DMD: variants seen among roughly 807,000 people sequenced by gnomAD.
DMD encodes dystrophin, also known as mutant dystrophin.
A neutral mutation model predicts 330.1 loss-of-function variants in DMD; 63 were observed. That is an observed-to-expected ratio of 0.19 (90% CI 0.16 to 0.24). The LOEUF (loss-of-function observed/expected upper bound fraction) is 0.24, where lower values mean the gene tolerates loss of function less well. Among genes scored for constraint, DMD ranks in the 10% least tolerant of loss-of-function variants. The probability of loss-of-function intolerance (pLI) is 1.00; values close to 1 mark genes in which losing one functional copy is unlikely to be tolerated. For missense variants in DMD, 3,344 were observed against 2,684.1 expected (o/e 1.25, Z -5.43); for synonymous variants, 1,223 against 959.8 (o/e 1.27, Z -5.07).
At chrX:32,214,224 TAAAAAAAAAAA>T (rs200083093) in intron 44 of DMD, among the ~76,000 whole-genome samples, 1 of 89,003 alleles carries the variant, frequency 1.1e-5, no homozygotes, top group East Asian at 3.5e-4. Flanking sequence ...CTGAAACACT[TAAAAAAAAAAA>T]AAAAAAAAAA....
At chrX:32,465,590 T>TG (rs1569563844) in intron 23 of DMD, among the ~76,000 whole-genome samples, 10 of 96,149 alleles carry the variant, frequency 1.0e-4, no homozygotes, top group African/African-American at 3.8e-4. Context: ...TTGTTTTTTT[T>TG]TTTTTTTTTT....
chrX:31,608,361 A>G (rs960010136), intron 55 of DMD, among the ~76,000 whole-genome samples: 2 of 111,936 alleles, frequency 1.8e-5, no homozygotes, highest in African/African-American at 3.2e-5. Flanking sequence ...CAAAAAAATG[A>G]GCAGAAATAA....
intron 44 of DMD, among the ~76,000 whole-genome samples, chrX:31,969,073 A>T (rs6631445): frequency 0.29 from 32,460 of 110,677 alleles, 5,188 homozygotes; most frequent in African/African-American, 0.62. Flanking sequence ...AGAAGCCACA[A>T]AAAACTGAGA....
At chrX:32,347,117 G>T (rs1569559153) in intron 38 of DMD, among the ~76,000 whole-genome samples, 1 of 111,644 alleles carries the variant, frequency 9.0e-6, no homozygotes, top group East Asian at 2.8e-4. Flanking sequence ...GGGGGAAAGG[G>T]ATTATTTTTG....
intron 1 of DMD, among the ~76,000 whole-genome samples, chrX:33,034,641 C>G (rs1374367441): frequency 8.9e-6 from 1 of 112,168 alleles, no homozygotes; most frequent in East Asian, 2.8e-4. Context: ...AGTTCTAAAA[C>G]TCTATCATCT....
At chrX:32,518,416 T>C (rs1016121554) in intron 17 of DMD, among the ~76,000 whole-genome samples, 1 of 109,901 alleles carries the variant, frequency 9.1e-6, no homozygotes, top group African/African-American at 3.3e-5. Context: ...TGCTTGAATG[T>C]TTCCACTATT....
At chrX:32,349,636 T>A (rs1010203304) in intron 37 of DMD, among the ~76,000 whole-genome samples, 1 of 111,380 alleles carries the variant, frequency 9.0e-6, no homozygotes, top group Non-Finnish European at 1.9e-5. Context: ...GAAGAAAAAC[T>A]AAATATCTAA....
chrX:32,947,950 C>A lies in DMD; in HGVS notation c.93+72189G>T, dbSNP rs182952237. 3.3e-4 allele frequency among the ~76,000 whole-genome samples: 37 copies of A among 111,446 alleles called. 1 individual carries two copies. The East Asian group carries it at 9.4e-3, about 28-fold the overall frequency. On this transcript the variant is annotated intron_variant, in intron 2 of 78. Coordinates refer to ENST00000357033, the MANE Select transcript of DMD (RefSeq NM_004006.3). ...GCAATGTGCAGTGCAATTTATTTCCCTAAACTTATCTGTTATAAAACTGAA... is the reference window on the plus strand; with the variant it reads ...GCAATGTGCAGTGCAATTTATTTCCATAAACTTATCTGTTATAAAACTGAA...
intron 54 of DMD, among the ~76,000 whole-genome samples, chrX:31,652,816 A>G (rs1266212206): frequency 9.0e-6 from 1 of 111,182 alleles, no homozygotes; most frequent in Non-Finnish European, 1.9e-5. Context: ...GGGTCAAAGT[A>G]CAACTAGTAG....
intron 2 of DMD, among the ~76,000 whole-genome samples, chrX:32,889,179 C>T (rs1044185726): frequency 1.8e-5 from 2 of 110,915 alleles, no homozygotes; most frequent in Admixed American, 1.9e-4. Flanking sequence ...AGGCAAGAAT[C>T]GTGAGCATGT....
intron 44 of DMD, among the ~76,000 whole-genome samples, chrX:32,033,595 C>A (rs2077896): frequency 0.21 from 7,043 of 33,333 alleles, 390 homozygotes; most frequent in African/African-American, 0.31. Flanking sequence ...ACAAGACAGA[C>A]AGACAGACAG....
chrX:31,184,991 C>T (rs2041616699), intron 67 of DMD, among the ~76,000 whole-genome samples: 1 of 94,510 alleles, frequency 1.1e-5, no homozygotes, highest in African/African-American at 4.0e-5. Context: ...GGAGGGATAG[C>T]ATTAGGAGAT....
intron 2 of DMD, among the ~76,000 whole-genome samples, chrX:33,000,155 T>C (rs926765869): frequency 8.9e-6 from 1 of 111,846 alleles, no homozygotes; most frequent in African/African-American, 3.3e-5. Flanking sequence ...GGAGTTTTAG[T>C]ATAGGGGTGT....
intron 1 of DMD, among the ~76,000 whole-genome samples, chrX:33,147,079 C>T (rs1212107172): frequency 2.7e-5 from 3 of 111,280 alleles, no homozygotes. Flanking sequence ...GCCTCAGCCT[C>T]CCAAAGTGCT....
Position 33,281,269 on chromosome X carries a change from C to T in DMD, c.7+57990G>A, listed in dbSNP as rs777562768. Reference sequence around the variant, plus strand: ...TGTGGTCCAGGCTGGAGTGCAGTGGCGCGATCTCGGTTCACTGCAACCTCT... The same window carrying T: ...TGTGGTCCAGGCTGGAGTGCAGTGGTGCGATCTCGGTTCACTGCAACCTCT... On this transcript the variant is annotated intron_variant, in intron 1 of 17. Coordinates refer to the DMD transcript ENST00000288447. Among the ~76,000 whole-genome samples the T allele has an allele frequency of 7.9e-5, 8 of 101,358 alleles. No individual in the cohort carries two copies. The East Asian group carries it at 1.3e-3, about 16-fold the overall frequency. The allele number at this position is 101,358 out of a possible 115,157, so 88.0% of individuals were successfully genotyped here.
At chrX:31,679,240 T>TCTA in intron 53 of DMD, 135 bp downstream of exon 53, 2 of 595,448 alleles carry the variant, frequency 3.4e-6, no homozygotes, top group Non-Finnish European at 5.2e-6. Context: ...ATATACAAAG[T>TCTA]CTACTGTTCA....
At chrX:31,238,559 C>T (rs189193284) in intron 63 of DMD, among the ~76,000 whole-genome samples, 1 of 111,696 alleles carries the variant, frequency 9.0e-6, no homozygotes, top group East Asian at 2.8e-4. Flanking sequence ...CCATCGAGTC[C>T]TTACAAGGCC....
intron 1 of DMD, among the ~76,000 whole-genome samples, chrX:33,039,684 G>C (rs1214695291): frequency 9.0e-6 from 1 of 110,812 alleles, no homozygotes; most frequent in Non-Finnish European, 1.9e-5. Flanking sequence ...ATAAAAATAA[G>C]TATTATTCAT....
intron 7 of DMD, among the ~76,000 whole-genome samples, chrX:32,779,621 G>A (rs1369589061): frequency 9.7e-6 from 1 of 102,831 alleles, no homozygotes; most frequent in Non-Finnish European, 2.0e-5. Context: ...ATAGTTTGCT[G>A]AGAATGATGG....
Sources: gnomAD v4.1 joint callset for allele counts (sites outside exome capture counted in the v4.1 genomes callset) on GRCh38, gnomAD v4.1.1 for gene constraint, MANE v1.5 for transcripts, NCBI Gene and HGNC (gene_info 2026-07-23, HGNC 2026-07-21) for gene names.